The following PLEKHG1 variants were observed in gnomAD, a reference collection of about 807,000 sequenced individuals.
PLEKHG1 encodes the protein pleckstrin homology and RhoGEF domain containing G1.
PLEKHG1 carries 44 observed loss-of-function variants against 100.8 expected under a neutral mutation model. The observed-to-expected ratio is 0.44, with a 90% CI of 0.34 to 0.56. The LOEUF is 0.56. Ranked by LOEUF, PLEKHG1 falls within the 20% of genes least tolerant of loss-of-function variation. The pLI is 0.01. For missense variants in PLEKHG1, 1,545 were observed against 1,720.9 expected, an observed-to-expected ratio of 0.90 and a Z score of 1.81; for synonymous variants, 640 against 662.5, an observed-to-expected ratio of 0.97 and a Z score of 0.52.
rs1583183365 is a variant in PLEKHG1, at chr6:150,814,111, T to C, written c.1279-4072T>C. ...GACCTAAGCATGAGTTTTCATTTCG[T>C]CAGGGTGTTATGAGATGAAAGGGAG... On this transcript the variant is annotated intron_variant, in intron 10 of 15. Transcript: ENST00000358517. Among the ~76,000 whole-genome samples the C allele has an allele frequency of 2.6e-5, 4 of 152,296 alleles. No individual in the cohort carries two copies. The South Asian group carries it at 8.3e-4, about 32-fold the overall frequency.
At chr6:150,788,574 A>G (rs957096040) in intron 4 of PLEKHG1, among the ~76,000 whole-genome samples, 16 of 152,136 alleles carry the variant, frequency 1.1e-4, no homozygotes, top group Admixed American at 3.3e-4. Flanking sequence ...GAAGGACAGA[A>G]ATTAAAGTTT....
intron 7 of PLEKHG1, among the ~76,000 whole-genome samples, 195 bp from the exon 9 acceptor site, chr6:150,808,910 T>C (rs755948005): frequency 2.0e-5 from 3 of 152,202 alleles, no homozygotes; most frequent in African/African-American, 4.8e-5. Flanking sequence ...AACAGCCTGA[T>C]TCATTGCTGT....
intron 1 of PLEKHG1, among the ~76,000 whole-genome samples, chr6:150,622,635 A>G (rs1777348114): frequency 6.6e-6 from 1 of 152,174 alleles, no homozygotes; most frequent in Non-Finnish European, 1.5e-5. Context: ...CAGAATTAGT[A>G]GGAACCTCTG....
chr6:150,629,553 C>T (rs532629507), intron 1 of PLEKHG1, among the ~76,000 whole-genome samples: 7 of 152,182 alleles, frequency 4.6e-5, no homozygotes, highest in East Asian at 1.9e-4. Flanking sequence ...CTCCGCCTCC[C>T]GGGTTCAAGT....
chr6:150,837,750 A>C (rs755957399), intron 15 of PLEKHG1, among the ~76,000 whole-genome samples: 6 of 152,256 alleles, frequency 3.9e-5, no homozygotes, highest in Non-Finnish European at 8.8e-5. Context: ...TTAATGAAAT[A>C]TTATAGTTTC....
intron 3 of PLEKHG1, among the ~76,000 whole-genome samples, chr6:150,674,675 C>CTCTCTCTCTCTCTCTCTCTT (rs1779691767): frequency 7.0e-6 from 1 of 142,894 alleles, no homozygotes. Flanking sequence ...CTCTCTCTCT[C>CTCTCTCTCTCTCTCTCTCTT]TCTCTCTCCC....
chr6:150,698,494 A>G (rs1475037128), intron 3 of PLEKHG1, among the ~76,000 whole-genome samples: 7 of 37,580 alleles, frequency 1.9e-4, no homozygotes, highest in South Asian at 6.2e-4. Context: ...ATACAATACT[A>G]TATATACACA....
exon 2 of PLEKHG1, chr6:150,733,918 G>A (rs146901004): frequency 6.3e-5 from 101 of 1,614,106 alleles, no homozygotes; most frequent in South Asian, 7.7e-5. Context: ...AACAGAACGC[G>A]GATGAGGGCA....
At position 150,800,780 on chromosome 6, in the gene PLEKHG1, C is replaced by T. The variant is rs377732579; in HGVS notation, c.691C>T (p.Arg231Cys). 1.3e-4 allele frequency: 205 copies of T among 1,613,182 alleles called. No homozygotes were observed. Among genetic ancestry groups the T allele is most frequent in the Non-Finnish European group, 1.6e-4 (192 of 1,179,228 alleles). ...GATACTGGCCAAATTCTTCAGGGAG[C>T]GTCAGGAAACTCTGAAACACTCGCT... Residue 231 changes from arginine (R) to cysteine (C), a missense_variant, in exon 6 of 16, where the codon CGT becomes TGT. Transcript: ENST00000358517.
chr6:150,713,736 C>T (rs1377813326), intron 3 of PLEKHG1, among the ~76,000 whole-genome samples: 2 of 152,118 alleles, frequency 1.3e-5, no homozygotes, highest in East Asian at 3.9e-4. Flanking sequence ...AACCTACTAC[C>T]CCTGGGTCTA....
At chr6:150,627,792 G>C (rs1777566098) in intron 1 of PLEKHG1, among the ~76,000 whole-genome samples, 2 of 152,166 alleles carry the variant, frequency 1.3e-5, no homozygotes, top group South Asian at 4.1e-4. Context: ...CCACAATTAG[G>C]AAAGGTTTCC....
chr6:150,823,804 A>G, intron 14 of PLEKHG1, 128 bp downstream of exon 15: 1 of 683,086 alleles, frequency 1.5e-6, no homozygotes. Flanking sequence ...TTTTGGAAAT[A>G]TGGTATTTTA....
At chr6:150,732,963 A>G (rs1782351552) in intron 1 of PLEKHG1, among the ~76,000 whole-genome samples, 1 of 152,240 alleles carries the variant, frequency 6.6e-6, no homozygotes, top group African/African-American at 2.4e-5. Context: ...TTAGAAAATT[A>G]TTGTCTATGT....
In PLEKHG1 at chr6:150,808,432, T is replaced by TC. The variant is rs577221415; in HGVS notation, c.913-670dup. ...ACAGCTCTGAAGGAGTTTTTTTTTT[T>TC]CCCAGAGAGGAGGGGTGAGAAAAAT... On this transcript the variant is annotated intron_variant, in intron 7 of 15. Coordinates refer to ENST00000358517, the Ensembl canonical transcript of PLEKHG1. 6.4e-3 allele frequency among the ~76,000 whole-genome samples: 960 copies of TC among 150,734 alleles called. 9 individuals carry two copies. The highest frequency in any genetic ancestry group is 0.022 in the African/African-American group (898 of 40,966).
chr6:150,673,607 T>C (rs1179055860), intron 3 of PLEKHG1, among the ~76,000 whole-genome samples: 2 of 152,100 alleles, frequency 1.3e-5, no homozygotes, highest in African/African-American at 4.8e-5. Context: ...TTCCTCTCTC[T>C]TCCTGTCTTT....
chr6:150,781,188 A>G (rs922315105), intron 3 of PLEKHG1, among the ~76,000 whole-genome samples: 11 of 148,108 alleles, frequency 7.4e-5, no homozygotes, highest in Admixed American at 2.0e-4. Context: ...AACAGTTTTT[A>G]TATTTTATTT....
chr6:150,749,160 C>A (rs754244039), intron 2 of PLEKHG1, among the ~76,000 whole-genome samples: 14 of 152,198 alleles, frequency 9.2e-5, no homozygotes, highest in Non-Finnish European at 1.6e-4. Context: ...CCAGCCGTTT[C>A]ATTTGGAGAC....
At chr6:150,710,931 G>A (rs1429389721) in intron 3 of PLEKHG1, among the ~76,000 whole-genome samples, 1 of 152,058 alleles carries the variant, frequency 6.6e-6, no homozygotes, top group African/African-American at 2.4e-5. Flanking sequence ...TGCCTTCCCA[G>A]CCCAGTGTGC....
At chr6:150,821,513 G>A (rs1283704972) in intron 13 of PLEKHG1, among the ~76,000 whole-genome samples, 1 of 151,856 alleles carries the variant, frequency 6.6e-6, no homozygotes, top group African/African-American at 2.4e-5. Context: ...GTGAAACCCC[G>A]TCTCTACTAA....
Sources: gnomAD v4.1 joint callset for allele counts (sites outside exome capture counted in the v4.1 genomes callset) on GRCh38, gnomAD v4.1.1 for gene constraint, MANE v1.5 for transcripts, NCBI Gene and HGNC (gene_info 2026-07-23, HGNC 2026-07-21) for gene names.